SPECC1: variants seen among roughly 807,000 people sequenced by gnomAD.
SPECC1 encodes cytospin-B.
A neutral mutation model predicts 104.1 loss-of-function variants in SPECC1; 62 were observed. The ratio of observed to expected loss-of-function variants is 0.60; its 90% CI spans 0.49 to 0.74. The LOEUF (loss-of-function observed/expected upper bound fraction) is 0.74. Ranked by LOEUF, SPECC1 falls within the 30% of genes least tolerant of loss-of-function variation. The probability of loss-of-function intolerance (pLI) is 0.00; values close to 1 mark genes in which losing one functional copy is unlikely to be tolerated. For missense variants in SPECC1, 1,306 were observed against 1,310.5 expected (o/e 1.00, Z 0.05); for synonymous variants, 513 against 501.6 (o/e 1.02, Z -0.30).
At chr17:20,128,289 A>AG (rs1246327628) in intron 3 of SPECC1, among the ~76,000 whole-genome samples, 25 of 152,254 alleles carry the variant, frequency 1.6e-4, no homozygotes, top group Admixed American at 1.6e-3. Flanking sequence ...AATAAAGCAA[A>AG]GTACTGTCTT....
At chr17:20,290,260 G>T (rs2041118308) in intron 12 of SPECC1, 1 of 151,954 alleles carries the variant, frequency 6.6e-6, no homozygotes, top group African/African-American at 2.4e-5. Context: ...AGAACTAGTG[G>T]TCACTTTGGC....
intron 2 of SPECC1, among the ~76,000 whole-genome samples, chr17:20,106,903 T>C (rs534755241): frequency 6.6e-6 from 1 of 152,004 alleles, no homozygotes; most frequent in Admixed American, 6.5e-5. Context: ...ACGCCTGTAA[T>C]CCTAGCACTT....
rs2047660530 is a variant in SPECC1 at position 20,096,674 on chromosome 17, G to T, written c.23G>T (p.Trp8Leu). The change falls in exon 2 of 15, where the codon TGG becomes TTG. Residue 8 changes from tryptophan to leucine, a missense_variant. Trp to Leu is a moderately conservative substitution (Grantham distance 61). Transcript: ENST00000395527. ...AGCATGCGGAGTGCAGCCAAGCCCT[G>T]GAACCCAGCCATCAGAGCAGGGGGC... MRSAAKP[W>L]NPAIRAGGHG... The T allele has an allele frequency of 1.9e-6, 3 of 1,613,948 alleles. No homozygotes were observed. The African/African-American group carries it at 4.0e-5, about 22-fold the overall frequency.
chr17:20,199,339 G>A (rs755368089), intron 3 of SPECC1, among the ~76,000 whole-genome samples: 13 of 148,340 alleles, frequency 8.8e-5, no homozygotes, highest in East Asian at 2.0e-4. Flanking sequence ...CACCTGCCTC[G>A]GCCTCCCAAA....
chr17:20,313,596 G>A (rs924704228), intron 14 of SPECC1, among the ~76,000 whole-genome samples: 1 of 152,318 alleles, frequency 6.6e-6, no homozygotes, highest in South Asian at 2.1e-4. Flanking sequence ...ACGTAATAGC[G>A]CGTGCAGTGT....
intron 3 of SPECC1, 92 bp from the exon 4 acceptor site, chr17:20,204,241 G>A: frequency 7.0e-7 from 1 of 1,432,532 alleles, no homozygotes; most frequent in Non-Finnish European, 9.4e-7. Flanking sequence ...GACAGCCACT[G>A]TCCACTGTGC....
At chr17:20,053,716 T>C (rs2045859763) in intron 1 of SPECC1, among the ~76,000 whole-genome samples, 1 of 152,186 alleles carries the variant, frequency 6.6e-6, no homozygotes, top group Non-Finnish European at 1.5e-5. Context: ...GTGAACTCCT[T>C]GGAAGTGGAC....
chr17:20,296,859 C>T, intron 12 of SPECC1, 102 bp from the exon 13 acceptor site: 1 of 1,088,114 alleles, frequency 9.2e-7, no homozygotes, highest in South Asian at 1.4e-5. Flanking sequence ...GATTTTTGCA[C>T]ATTGATTTTG....
intron 4 of SPECC1, among the ~76,000 whole-genome samples, chr17:20,212,486 A>G (rs1240281814): frequency 6.6e-6 from 1 of 152,210 alleles, no homozygotes; most frequent in African/African-American, 2.4e-5. Context: ...GGCAGACAAA[A>G]TAAGAGAGCT....
rs182616494 is a variant in SPECC1 at position 20,011,309 on chromosome 17, A to T, written c.-22+1885A>T. Among the ~76,000 whole-genome samples the T allele has an allele frequency of 6.6e-5, 10 of 152,048 alleles. No homozygotes were observed. The East Asian group carries it at 1.9e-3, about 29-fold the overall frequency. On this transcript the variant is annotated intron_variant, in intron 1 of 14. Transcript: ENST00000395527. ...TAATTACCTTTTCATTTTTTTCATG[A>T]TCATTTATTTTTCTCAGTTTTTCTG...
Position 20,015,775 on chromosome 17 carries a change from G to A in SPECC1, c.-22+6351G>A, listed in dbSNP as rs867652574. Among the ~76,000 whole-genome samples the A allele has an allele frequency of 6.7e-5, 10 of 149,792 alleles. No homozygotes were observed. In the South Asian group the frequency reaches 1.3e-3, roughly 19 times the overall value. On this transcript the variant is annotated intron_variant, in intron 1 of 14. Coordinates refer to ENST00000395527, the MANE Select transcript of SPECC1 (RefSeq NM_001243439.2). ...AATTTTTTGTATTTTTAGTAGCGACGGGGTTTCACTGTGTTAACCAGGATG... is the reference window on the plus strand; with the variant it reads ...AATTTTTTGTATTTTTAGTAGCGACAGGGTTTCACTGTGTTAACCAGGATG...
At chr17:20,096,906 G>A (rs2047674369) in intron 2 of SPECC1, 108 bp downstream of exon 2, 1 of 1,410,996 alleles carries the variant, frequency 7.1e-7, no homozygotes, top group Non-Finnish European at 9.7e-7. Flanking sequence ...AGGGAAGGAG[G>A]CTCCCAAGGA....
chr17:20,280,181 G>A (rs1017077502), intron 12 of SPECC1, among the ~76,000 whole-genome samples: 1 of 152,226 alleles, frequency 6.6e-6, no homozygotes, highest in African/African-American at 2.4e-5. Flanking sequence ...CCATGTGATG[G>A]ACCTGCATGT....
chr17:20,223,298 C>T (rs1208241831), intron 4 of SPECC1, among the ~76,000 whole-genome samples: 1 of 152,076 alleles, frequency 6.6e-6, no homozygotes, highest in Admixed American at 6.6e-5. Flanking sequence ...TCTGTTTGGT[C>T]AGTTCTGCTG....
chr17:20,180,388 C>T lies in SPECC1; in HGVS notation c.284-23945C>T, dbSNP rs59331779. On this transcript the variant is annotated intron_variant, in intron 3 of 14. Transcript: ENST00000395527. Reference sequence around the variant, plus strand: ...GCAAGAACAAAAGCATTGAACAGGACTAAGAGGTACTATATATTGGTAGAA... The same window carrying T: ...GCAAGAACAAAAGCATTGAACAGGATTAAGAGGTACTATATATTGGTAGAA... Among the ~76,000 whole-genome samples the T allele has an allele frequency of 2.6e-5, 4 of 152,216 alleles. No individual in the cohort carries two copies. In the South Asian group the frequency reaches 6.2e-4, roughly 24 times the overall value.
At chr17:20,099,682 G>A (rs186112864) in intron 2 of SPECC1, among the ~76,000 whole-genome samples, 95 of 107,184 alleles carry the variant, frequency 8.9e-4, no homozygotes, top group African/African-American at 3.3e-3. Context: ...GTGACAGAGT[G>A]ACACTCTATC....
In SPECC1 at chr17:20,257,576, A is replaced by G; in HGVS notation, c.2806A>G (p.Thr936Ala). The G allele has an allele frequency of 2.5e-6, 4 of 1,612,912 alleles. No homozygotes were observed. In the African/African-American group the frequency reaches 4.0e-5, roughly 16 times the overall value. The stretch of plus-strand genomic sequence containing the variant: ...GGACACAAGACTGCTGAGTGCTTCC[A>G]CCCGGGCATGGAAACCACAAAGCAA... ...FGDTRLLSAS[T>A]RAWKPQSKLS... Residue 936 changes from threonine (T) to alanine (A), a missense_variant, in exon 11 of 15, where the codon ACC becomes GCC. Thr to Ala is a moderately conservative substitution (Grantham distance 58). Transcript: ENST00000395527.
chr17:20,227,704 C>T (rs939965489), intron 5 of SPECC1, 84 bp downstream of exon 5: 2 of 1,319,444 alleles, frequency 1.5e-6, no homozygotes, highest in Non-Finnish European at 2.1e-6. Flanking sequence ...CACCTGAGGT[C>T]AGAAGTTCGA....
rs760421161 is a variant in SPECC1, at chr17:20,232,253, G to T, written c.2199G>T (p.Val733=). ...RFQADLQTAV[V]VANDIKCEAQ... ...AGGCGGATCTGCAGACCGCAGTGGT[G>T]GTGGCCAATGACATCAAGTGTGAGG... The change falls in exon 7 of 15, where the codon GTG becomes GTT. Residue 733 remains valine (V), a synonymous_variant. Transcript: ENST00000395527. 2 of 1,614,194 alleles carry T rather than the reference G, an allele frequency of 1.2e-6. No homozygotes were observed. Among genetic ancestry groups the T allele is most frequent in the East Asian group, 4.5e-5 (2 of 44,872 alleles).
Sources: allele counts gnomAD v4.1 joint callset (sites outside exome capture counted in the v4.1 genomes callset), GRCh38; gene constraint gnomAD v4.1.1; transcripts MANE v1.5; gene names NCBI Gene and HGNC (gene_info 2026-07-23, HGNC 2026-07-21).